Variants in BTG4 observed in about 807,000 individuals in gnomAD.
The protein encoded by BTG4 is BTG anti-proliferation factor 4.
A neutral mutation model predicts 19.3 loss-of-function variants in BTG4; 10 were observed. The observed-to-expected ratio is 0.52, with a 90% confidence interval of 0.32 to 0.88. BTG4 has a LOEUF of 0.88. BTG4 is among the 40% of genes least tolerant of loss of function. BTG4 has a pLI of 0.04. For missense variants in BTG4, 238 were observed against 281.9 expected, an observed-to-expected ratio of 0.84 and a Z score of 1.11; for synonymous variants, 91 against 95.7, an observed-to-expected ratio of 0.95 and a Z score of 0.29.
At chr11:111,435,807 C>T in the BTG4 span, among the ~76,000 whole-genome samples, 2 of 152,166 alleles carry the variant, frequency 1.3e-5, no homozygotes, top group Non-Finnish European at 2.9e-5. Context: ...CACAACTCCA[C>T]CCCACCCGCC....
the BTG4 span, among the ~76,000 whole-genome samples, chr11:111,408,887 G>A: frequency 6.6e-6 from 1 of 152,214 alleles, no homozygotes. Flanking sequence ...AAGACAATGG[G>A]ATTCGTGCTG....
At chr11:111,401,350 G>GC in the BTG4 span, among the ~76,000 whole-genome samples, 152,074 of 152,082 alleles carry the variant, frequency 1, 76,033 homozygotes, top group Middle Eastern at 1. Context: ...GGGCGTGGTG[G>GC]AGGCGCCTGT....
At chr11:111,455,785 G>T in the BTG4 span, 13 of 454,958 alleles carry the variant, frequency 2.9e-5, no homozygotes, top group South Asian at 1.7e-4. Context: ...CACGGTGCTG[G>T]GCCACCTGTC....
At chr11:111,504,124 G>A (rs1168012659) in intron 1 of BTG4, among the ~76,000 whole-genome samples, 2 of 151,940 alleles carry the variant, frequency 1.3e-5, no homozygotes, top group Non-Finnish European at 2.9e-5. Flanking sequence ...ACAAATACAT[G>A]TTATTGCTAA....
chr11:111,481,269 A>G (rs923348050), intron 5 of BTG4, among the ~76,000 whole-genome samples: 25 of 152,028 alleles, frequency 1.6e-4, no homozygotes, highest in Admixed American at 1.6e-3. Context: ...TCCTAAAACT[A>G]TTAAGGAAAT....
intron 5 of BTG4, among the ~76,000 whole-genome samples, chr11:111,470,722 G>A (rs1374817109): frequency 6.6e-6 from 1 of 152,068 alleles, no homozygotes; most frequent in Non-Finnish European, 1.5e-5. Context: ...TCTGAGACCA[G>A]CCTGGGCAAC....
chr11:111,388,336 T>TG, the BTG4 span, among the ~76,000 whole-genome samples: 34 of 141,992 alleles, frequency 2.4e-4, no homozygotes, highest in South Asian at 6.6e-4. Context: ...GAGGTGTGTG[T>TG]TTTTTTTTTT....
intron 5 of BTG4, chr11:111,469,156 CA>C (rs1298325864): frequency 6.6e-6 from 1 of 152,138 alleles, no homozygotes; most frequent in Non-Finnish European, 1.5e-5. Context: ...GGAATGTTCC[CA>C]GGGGCGGACA....
chr11:111,453,643 GCTT>G, the BTG4 span: 2 of 390,378 alleles, frequency 5.1e-6, no homozygotes, highest in South Asian at 1.9e-5. Flanking sequence ...GCCAGCTCCT[GCTT>G]CTTTTTTCCA....
In BTG4 at chr11:111,479,015, C is replaced by T. The variant is rs539584961; in HGVS notation, c.663-11334G>A. ...GATATAACCCCACAGATTTAAAAAGCTGAATGAATCCCAAACAGGAAAACC... is the reference window on the plus strand; with the variant it reads ...GATATAACCCCACAGATTTAAAAAGTTGAATGAATCCCAAACAGGAAAACC... On this transcript the variant is annotated intron_variant, in intron 5 of 5. Coordinates refer to the BTG4 transcript ENST00000356018. Among the ~76,000 whole-genome samples the T allele has an allele frequency of 9.9e-5, 15 of 152,050 alleles. No individual in the cohort carries two copies. In the South Asian group the frequency reaches 1.5e-3, roughly 15 times the overall value.
At chr11:111,437,294 G>A in the BTG4 span, among the ~76,000 whole-genome samples, 30 of 152,126 alleles carry the variant, frequency 2.0e-4, 2 homozygotes, top group South Asian at 6.2e-3. Context: ...ATTGATCTGT[G>A]GAATGGAGGA....
the BTG4 span, among the ~76,000 whole-genome samples, chr11:111,405,024 G>A: frequency 1.3e-5 from 2 of 152,284 alleles, no homozygotes; most frequent in South Asian, 4.1e-4. Context: ...GTCATAGTGT[G>A]GGTGCCTAAT....
intron 1 of BTG4, among the ~76,000 whole-genome samples, 169 bp from the exon 2 acceptor site, chr11:111,498,971 A>G (rs746987143): frequency 4.6e-5 from 7 of 152,202 alleles, no homozygotes; most frequent in Non-Finnish European, 7.3e-5. Context: ...ATCAATCAAC[A>G]TAACAGCCAA....
the BTG4 span, among the ~76,000 whole-genome samples, chr11:111,407,790 AG>A: frequency 6.6e-6 from 1 of 152,242 alleles, no homozygotes; most frequent in Non-Finnish European, 1.5e-5. Flanking sequence ...TGACTGCAAA[AG>A]CTCATCCTCA....
At chr11:111,486,750 T>C (rs949985055) in intron 5 of BTG4, among the ~76,000 whole-genome samples, 4 of 152,146 alleles carry the variant, frequency 2.6e-5, no homozygotes, top group African/African-American at 9.7e-5. Flanking sequence ...ATGCAAAAAA[T>C]AATGTGATAT....
the BTG4 span, among the ~76,000 whole-genome samples, chr11:111,431,041 C>T: frequency 6.6e-6 from 1 of 151,750 alleles, no homozygotes; most frequent in Non-Finnish European, 1.5e-5. Flanking sequence ...CTTCTATGCC[C>T]CCATAGTGCC....
At chr11:111,400,126 TCC>T in the BTG4 span, among the ~76,000 whole-genome samples, 2 of 152,082 alleles carry the variant, frequency 1.3e-5, no homozygotes, top group Non-Finnish European at 2.9e-5. Flanking sequence ...AGGCCCAGCC[TCC>T]CACTGACTGG....
chr11:111,514,695 CTGGTACCAACTTGGCGGTT>C (rs1867148612), upstream of BTG4: 2 of 996,486 alleles, frequency 2.0e-6, no homozygotes, highest in African/African-American at 4.2e-5. Flanking sequence ...CCGGCAGGGG[CTGGTACCAACTTGGCGGTT>C]CTCGGAGGGG....
At chr11:111,482,337 T>C (rs988422693) in intron 5 of BTG4, among the ~76,000 whole-genome samples, 2 of 152,054 alleles carry the variant, frequency 1.3e-5, no homozygotes, top group East Asian at 1.9e-4. Flanking sequence ...ACATATTGTG[T>C]TCATAAATTG....
Sources: gnomAD v4.1 joint callset for allele counts (sites outside exome capture counted in the v4.1 genomes callset) on GRCh38, gnomAD v4.1.1 for gene constraint, MANE v1.5 for transcripts, NCBI Gene and HGNC (gene_info 2026-07-23, HGNC 2026-07-21) for gene names.